The following ARFGAP3 variants were observed in gnomAD, a reference collection of about 807,000 sequenced individuals.
ARFGAP3 encodes ADP-ribosylation factor GTPase-activating protein 3.
ARFGAP3 carries 72 observed loss-of-function variants against 75.0 expected under a neutral mutation model. That is an observed-to-expected ratio of 0.96 (90% CI 0.79 to 1.17). The LOEUF is 1.17. ARFGAP3 is among the 50% of genes most tolerant of loss of function. The probability of loss-of-function intolerance (pLI) is 0.00; values close to 1 mark genes in which losing one functional copy is unlikely to be tolerated. For missense variants in ARFGAP3, 620 were observed against 626.6 expected (o/e 0.99, Z 0.11); for synonymous variants, 221 against 217.9 (o/e 1.01, Z -0.13).
Position 42,817,260 on chromosome 22 carries a change from T to C in ARFGAP3, c.946A>G (p.Ile316Val). ...ATATCTGAAGTCACTGAATGTGAAATAACACTTGAGAAAACAGAAAAATAT... is the reference window on the plus strand; with the variant it reads ...ATATCTGAAGTCACTGAATGTGAAACAACACTTGAGAAAACAGAAAAATAT... ...GMGFGNCRSVISHSVTSDMQT... is the reference protein window; with the variant it reads ...GMGFGNCRSVVSHSVTSDMQT... The change falls in exon 11 of 16, where the codon ATT becomes GTT. Residue 316 changes from isoleucine (I) to valine (V), a missense_variant. Transcript: ENST00000263245. The C allele has an allele frequency of 6.2e-7, 1 of 1,606,100 alleles. No individual in the cohort carries two copies. The highest frequency in any genetic ancestry group is 1.7e-4 in the Middle Eastern group (1 of 6,040).
In ARFGAP3 at chr22:42,799,063, A is replaced by G. The variant is rs759056059; in HGVS notation, c.1509T>C (p.Ala503=). The part of the protein sequence containing the change: ...RSVAGKLSVF[A]NGVVTSIQDR... ...CCTGAATTGAAGTCACGACTCCATT[A>G]GCAAAGACGGAGAGTTTTCCAGCAA... The change falls in exon 15 of 16, where the codon GCT becomes GCC. Residue 503 remains alanine (A), a synonymous_variant. Coordinates refer to ENST00000263245, the MANE Select transcript of ARFGAP3 (RefSeq NM_014570.5). 2 of 1,614,188 alleles carry G rather than the reference A, an allele frequency of 1.2e-6. No individual in the cohort carries two copies. The highest frequency in any genetic ancestry group is 1.7e-6 in the Non-Finnish European group (2 of 1,180,040).
intron 7 of ARFGAP3, among the ~76,000 whole-genome samples, chr22:42,825,865 A>C (rs772436022): frequency 5.9e-5 from 9 of 152,302 alleles, no homozygotes; most frequent in East Asian, 3.9e-4. Context: ...TTAAAGTCTT[A>C]ATTTTTTCAT....
intron 2 of ARFGAP3, chr22:42,847,252 T>C: frequency 3.0e-6 from 1 of 336,040 alleles, no homozygotes; most frequent in South Asian, 3.6e-5. Flanking sequence ...ACTGCAGCCT[T>C]GACTCCTGGG....
At chr22:42,817,536 T>C (rs1331133069) in intron 10 of ARFGAP3, among the ~76,000 whole-genome samples, 193 bp downstream of exon 10, 1 of 152,160 alleles carries the variant, frequency 6.6e-6, no homozygotes, top group Non-Finnish European at 1.5e-5. Context: ...CAGACCTTTT[T>C]CCTTCTTTTA....
At chr22:42,833,707 G>A (rs1397496565) in intron 5 of ARFGAP3, among the ~76,000 whole-genome samples, 1 of 152,142 alleles carries the variant, frequency 6.6e-6, no homozygotes, top group Non-Finnish European at 1.5e-5. Context: ...AGTGAGCCAA[G>A]ATCACACCAT....
chr22:42,831,152 C>T lies in ARFGAP3; in HGVS notation c.565+397G>A, dbSNP rs368008839. ...ATGTTGCAAAAATTAGCCAGATGTG[C>T]GGTGCATGTCTGTAATCCCAGCTTC... On this transcript the variant is annotated intron_variant, in intron 6 of 15. Transcript: ENST00000263245. 1.4e-3 allele frequency among the ~76,000 whole-genome samples: 218 copies of T among 151,870 alleles called. 1 individual carries two copies. Among genetic ancestry groups the T allele is most frequent in the African/African-American group, 4.5e-3 (188 of 41,414 alleles).
intron 10 of ARFGAP3, 118 bp from the exon 11 acceptor site, chr22:42,817,382 C>T: frequency 2.9e-6 from 4 of 1,372,118 alleles, no homozygotes; most frequent in South Asian, 1.6e-5. Context: ...GGGTTAAAAA[C>T]ATAAGCAATA....
intron 11 of ARFGAP3, among the ~76,000 whole-genome samples, chr22:42,813,604 C>T (rs2146537385): frequency 6.6e-6 from 1 of 152,316 alleles, no homozygotes; most frequent in Admixed American, 6.5e-5. Context: ...CTTGGGTCCC[C>T]CTGACCAGCA....
intron 1 of ARFGAP3, among the ~76,000 whole-genome samples, chr22:42,854,514 A>G (rs751376473): frequency 3.9e-5 from 6 of 152,130 alleles, no homozygotes; most frequent in Non-Finnish European, 7.3e-5. Flanking sequence ...AGTCCCAGCT[A>G]CTCAGGAGGC....
intron 11 of ARFGAP3, among the ~76,000 whole-genome samples, chr22:42,813,351 G>A (rs369698277): frequency 2.0e-5 from 3 of 152,200 alleles, no homozygotes; most frequent in East Asian, 3.8e-4. Flanking sequence ...TGTAGTAGAG[G>A]CTGGACTGCC....
intron 1 of ARFGAP3, among the ~76,000 whole-genome samples, chr22:42,850,571 CAAAAAA>C (rs57841993): frequency 1.4e-4 from 8 of 57,586 alleles, no homozygotes; most frequent in Non-Finnish European, 1.5e-4. Context: ...ACCCTGCTAT[CAAAAAA>C]AAAAAAAAAA....
In ARFGAP3 at chr22:42,824,031, CT is replaced by C. The variant is rs71186543; in HGVS notation, c.626-330del. ...GCATTTAAAAAATATATTACAACAA[CT>C]TTTTTTTTTTTTTTGAGACAGGGTC... On this transcript the variant is annotated intron_variant, in intron 7 of 15. Transcript: ENST00000263245. Among the ~76,000 whole-genome samples the C allele has an allele frequency of 3.7e-3, 531 of 143,428 alleles. 2 individuals carry two copies. The highest frequency in any genetic ancestry group is 7.2e-3 in the Middle Eastern group (2 of 276). 94.1% of individuals were successfully genotyped at this position (143,428 alleles called of 152,430 possible). A position where few individuals can be genotyped will look rare whatever the true frequency, so the allele number is the denominator to read the frequency against.
chr22:42,804,376 A>ATTTTTTTT (rs1169858932), intron 14 of ARFGAP3, among the ~76,000 whole-genome samples: 4 of 74,472 alleles, frequency 5.4e-5, no homozygotes, highest in African/African-American at 1.2e-4. Flanking sequence ...CACCCAGCTA[A>ATTTTTTTT]TTTTTTTTTT....
intron 7 of ARFGAP3, among the ~76,000 whole-genome samples, chr22:42,826,329 A>G (rs1926035126): frequency 6.6e-6 from 1 of 152,064 alleles, no homozygotes; most frequent in Non-Finnish European, 1.5e-5. Context: ...GCCCAACATA[A>G]ACCCACGAAT....
chr22:42,823,814 T>C (rs113217542), intron 7 of ARFGAP3, 112 bp from the exon 8 acceptor site: 2 of 1,211,806 alleles, frequency 1.7e-6, no homozygotes, highest in Non-Finnish European at 2.2e-6. Context: ...GATGATAACA[T>C]TTTCCACTTT....
chr22:42,809,456 G>A (rs962420838), intron 12 of ARFGAP3, among the ~76,000 whole-genome samples: 1 of 152,070 alleles, frequency 6.6e-6, no homozygotes, highest in African/African-American at 2.4e-5. Flanking sequence ...ACCAGAGTAG[G>A]AAGGCCAATT....
At chr22:42,806,396 C>T (rs934896995) in intron 14 of ARFGAP3, among the ~76,000 whole-genome samples, 4 of 152,216 alleles carry the variant, frequency 2.6e-5, no homozygotes, top group South Asian at 4.1e-4. Flanking sequence ...GCCGCCCCAT[C>T]CTAGGCCATC....
intron 3 of ARFGAP3, among the ~76,000 whole-genome samples, chr22:42,836,237 A>C (rs1282088585): frequency 6.6e-6 from 1 of 152,114 alleles, no homozygotes; most frequent in Non-Finnish European, 1.5e-5. Flanking sequence ...TTGGCCTCAC[A>C]AAGTGCTGGA....
chr22:42,850,444 G>A (rs886964229), intron 1 of ARFGAP3, among the ~76,000 whole-genome samples: 1 of 151,482 alleles, frequency 6.6e-6, no homozygotes, highest in Non-Finnish European at 1.5e-5. Flanking sequence ...GTGGTGGAAC[G>A]TGCCTGTAGT....
Sources: allele counts gnomAD v4.1 joint callset (sites outside exome capture counted in the v4.1 genomes callset), GRCh38; gene constraint gnomAD v4.1.1; transcripts MANE v1.5; gene names NCBI Gene and HGNC (gene_info 2026-07-23, HGNC 2026-07-21).